EPB41L3: variants seen among roughly 807,000 people sequenced by gnomAD.
EPB41L3 encodes band 4.1-like protein 3.
A neutral mutation model predicts 127.1 loss-of-function variants in EPB41L3; 57 were observed. The ratio of observed to expected loss-of-function variants is 0.45; its 90% confidence interval spans 0.36 to 0.56. The LOEUF (loss-of-function observed/expected upper bound fraction) is 0.56, where lower values mean the gene tolerates loss of function less well. EPB41L3 is among the 20% of genes least tolerant of loss of function. The pLI is 0.00. For synonymous variants in EPB41L3, 572 were observed against 549.5 expected (o/e 1.04, Z -0.57); for missense variants, 1,273 against 1,372.2 (o/e 0.93, Z 1.14).
At chr18:5,401,904 G>T (rs548635515) in intron 16 of EPB41L3, among the ~76,000 whole-genome samples, 1 of 152,118 alleles carries the variant, frequency 6.6e-6, no homozygotes, top group Admixed American at 6.5e-5. Context: ...AAGATTAACT[G>T]AAAAATAACG....
At chr18:5,402,703 G>C in intron 16 of EPB41L3, among the ~76,000 whole-genome samples, 1 of 152,014 alleles carries the variant, frequency 6.6e-6, no homozygotes, top group East Asian at 1.9e-4. Context: ...CTTTTATCAG[G>C]GGTTAGGATA....
chr18:5,498,463 G>C (rs776693529), intron 1 of EPB41L3, among the ~76,000 whole-genome samples: 6 of 151,898 alleles, frequency 4.0e-5, no homozygotes, highest in Non-Finnish European at 7.4e-5. Flanking sequence ...GTGTGGTCAC[G>C]GGCACCTGTA....
At chr18:5,566,631 CAA>C (rs2094201513) in intron 3 of EPB41L3, among the ~76,000 whole-genome samples, 1 of 151,970 alleles carries the variant, frequency 6.6e-6, no homozygotes, top group African/African-American at 2.4e-5. Context: ...CATATGGAAC[CAA>C]AAAAGAGTCT....
In EPB41L3 at chr18:5,498,536, G is replaced by C. The variant is rs1043316129; in HGVS notation, c.-11-9342C>G. On this transcript the variant is annotated intron_variant, in intron 1 of 22. Transcript: ENST00000341928. ...TTGAACCTGGGAGGTGGAGGTTGCA[G>C]TGAGCCGAGATAGCACCACTGAACT... Among the ~76,000 whole-genome samples, 3 of 144,492 alleles carry C rather than the reference G, an allele frequency of 2.1e-5. No homozygotes were observed. In the Admixed American group the frequency reaches 2.2e-4, roughly 10 times the overall value. The allele number at this position is 144,492 out of a possible 152,430, so 94.8% of individuals were successfully genotyped here.
intron 3 of EPB41L3, among the ~76,000 whole-genome samples, chr18:5,593,968 T>C (rs1340500787): frequency 6.6e-6 from 1 of 152,184 alleles, no homozygotes; most frequent in Non-Finnish European, 1.5e-5. Context: ...GGTGCCCAGA[T>C]TTCATATTGT....
chr18:5,404,416 C>T (rs1027601373), intron 16 of EPB41L3, among the ~76,000 whole-genome samples: 1 of 152,156 alleles, frequency 6.6e-6, no homozygotes, highest in African/African-American at 2.4e-5. Flanking sequence ...AACCAAACTG[C>T]TTTGCCATTC....
At chr18:5,616,511 T>A (rs561860426) in intron 1 of EPB41L3, among the ~76,000 whole-genome samples, 1 of 152,248 alleles carries the variant, frequency 6.6e-6, no homozygotes, top group Non-Finnish European at 1.5e-5. Flanking sequence ...TAATATTGCA[T>A]AATAAACTCC....
chr18:5,435,530 C>T (rs1263737314), intron 6 of EPB41L3, among the ~76,000 whole-genome samples: 1 of 152,192 alleles, frequency 6.6e-6, no homozygotes, highest in Non-Finnish European at 1.5e-5. Flanking sequence ...TAGTCACATG[C>T]TCTACAGGTT....
At chr18:5,611,336 C>A (rs1332389440) in intron 3 of EPB41L3, among the ~76,000 whole-genome samples, 1 of 152,232 alleles carries the variant, frequency 6.6e-6, no homozygotes, top group Non-Finnish European at 1.5e-5. Flanking sequence ...CATACTGACA[C>A]ATGCCACAGA....
At chr18:5,434,449 T>G (rs1177551495) in intron 6 of EPB41L3, among the ~76,000 whole-genome samples, 3 of 152,212 alleles carry the variant, frequency 2.0e-5, no homozygotes, top group Non-Finnish European at 4.4e-5. Context: ...TAAAGTCAAA[T>G]GAACAGTCCC....
intron 1 of EPB41L3, among the ~76,000 whole-genome samples, chr18:5,616,597 AC>A (rs2094797947): frequency 6.6e-6 from 1 of 152,232 alleles, no homozygotes; most frequent in African/African-American, 2.4e-5. Flanking sequence ...AAGCATAATA[AC>A]AAAATGAACA....
intron 1 of EPB41L3, among the ~76,000 whole-genome samples, chr18:5,516,142 C>A (rs1165528903): frequency 6.6e-6 from 1 of 152,162 alleles, no homozygotes; most frequent in Non-Finnish European, 1.5e-5. Context: ...ACATCCAGAG[C>A]CCCAAGTCCA....
chr18:5,398,511 A>T (rs1052534218), intron 16 of EPB41L3: 1 of 403,922 alleles, frequency 2.5e-6, no homozygotes, highest in Non-Finnish European at 4.3e-6. Flanking sequence ...CATGAAAAAA[A>T]ATTAAGAAGC....
intron 22 of EPB41L3, chr18:5,393,696 T>A (rs1219077844): frequency 1.1e-5 from 5 of 449,104 alleles, no homozygotes; most frequent in African/African-American, 1.0e-4. Flanking sequence ...TGTTTTATTT[T>A]TTTTGCTATC....
chr18:5,500,542 C>T (rs1264063614), intron 1 of EPB41L3, among the ~76,000 whole-genome samples: 1 of 152,110 alleles, frequency 6.6e-6, no homozygotes, highest in Non-Finnish European at 1.5e-5. Flanking sequence ...AGCGAGGGGG[C>T]AATATACTGT....
At chr18:5,430,039 A>G (rs1255733780) in intron 8 of EPB41L3, among the ~76,000 whole-genome samples, 1 of 152,330 alleles carries the variant, frequency 6.6e-6, no homozygotes, top group East Asian at 1.9e-4. Flanking sequence ...CCTTTAACCT[A>G]CTGAGGGAAA....
intron 16 of EPB41L3, among the ~76,000 whole-genome samples, chr18:5,401,381 C>A (rs767183416): frequency 3.9e-5 from 6 of 152,028 alleles, no homozygotes; most frequent in African/African-American, 1.4e-4. Flanking sequence ...GGCATTTAAA[C>A]CATGTTTATG....
At chr18:5,494,049 A>C (rs948105343) in intron 1 of EPB41L3, among the ~76,000 whole-genome samples, 1 of 152,196 alleles carries the variant, frequency 6.6e-6, no homozygotes, top group Non-Finnish European at 1.5e-5. Context: ...TTTCAAATAC[A>C]ATGACAATTC....
chr18:5,543,692 C>G lies in EPB41L3; in HGVS notation c.-12+221G>C, dbSNP rs2093814582. Among the ~76,000 whole-genome samples the G allele has an allele frequency of 6.8e-6, 1 of 146,656 alleles. No homozygotes were observed. Among genetic ancestry groups the G allele is most frequent in the African/African-American group, 2.5e-5 (1 of 40,730 alleles). On this transcript the variant is annotated intron_variant, in intron 1 of 22. Coordinates refer to ENST00000341928, the MANE Select transcript of EPB41L3 (RefSeq NM_012307.5). This position sits in a 1 kb window ranked among gnomAD's most constrained non-coding sequence, Gnocchi z 5.2. ...GGCGGAGCGGGCGGGGGGCGCGGCG[C>G]GCAGGCTCGGCCCGGTGGGGGTCCC...
Sources: gnomAD v4.1 joint callset for allele counts (sites outside exome capture counted in the v4.1 genomes callset) on GRCh38, gnomAD v4.1.1 for gene constraint, Gnocchi (gnomAD v3.1) non-coding constraint, MANE v1.5 for transcripts, NCBI Gene and HGNC (gene_info 2026-07-23, HGNC 2026-07-21) for gene names.